CREM: variants seen among roughly 807,000 people sequenced by gnomAD.
CREM encodes cAMP-responsive element modulator.
CREM carries 13 observed loss-of-function variants against 37.3 expected under a neutral mutation model. The observed-to-expected ratio is 0.35, with a 90% confidence interval of 0.23 to 0.55. The LOEUF is 0.55. Among genes scored for constraint, CREM ranks in the 20% least tolerant of loss-of-function variants. The probability of loss-of-function intolerance (pLI) is 0.88; values close to 1 mark genes in which losing one functional copy is unlikely to be tolerated. For missense variants in CREM, 296 were observed against 362.3 expected, an observed-to-expected ratio of 0.82 and a Z score of 1.49; for synonymous variants, 124 against 120.2, an observed-to-expected ratio of 1.03 and a Z score of -0.21.
intron 1 of CREM, among the ~76,000 whole-genome samples, chr10:35,136,539 T>C (rs1330274265): frequency 6.6e-6 from 1 of 152,214 alleles, no homozygotes; most frequent in Admixed American, 6.5e-5. Flanking sequence ...CTTGTCCCTA[T>C]GCTGGGGGCA....
intron 3 of CREM, among the ~76,000 whole-genome samples, chr10:35,177,998 C>T (rs1432341560): frequency 2.0e-5 from 3 of 152,006 alleles, no homozygotes; most frequent in East Asian, 1.9e-4. Flanking sequence ...TATACACCTC[C>T]GTGTACTTCG....
chr10:35,196,196 A>G, intron 6 of CREM: 3 of 1,229,666 alleles, frequency 2.4e-6, no homozygotes, highest in Non-Finnish European at 3.5e-6. Flanking sequence ...CTCTTACTCC[A>G]TCCTCTTACT....
chr10:35,182,386 T>TC (rs1487886964), intron 5 of CREM, among the ~76,000 whole-genome samples: 1 of 152,002 alleles, frequency 6.6e-6, no homozygotes, highest in South Asian at 2.1e-4. Context: ...CTGTAAATTT[T>TC]TTTTAATGCT....
chr10:35,201,112 AT>A lies in CREM; in HGVS notation c.599-5781del, dbSNP rs1467263426. ...GGATATCTTACATTATCTTTAATGT[AT>A]TCTCTAAAGGAATATAACGATATAT... On this transcript the variant is annotated intron_variant, in intron 6 of 7. Transcript: ENST00000685392. 6.6e-5 allele frequency among the ~76,000 whole-genome samples: 10 copies of A among 152,088 alleles called. No individual in the cohort carries two copies. In the East Asian group the frequency reaches 1.7e-3, roughly 26 times the overall value.
At chr10:35,130,314 A>T (rs970535692) in intron 1 of CREM, among the ~76,000 whole-genome samples, 4 of 152,208 alleles carry the variant, frequency 2.6e-5, no homozygotes, top group African/African-American at 9.6e-5. Flanking sequence ...ATACATTTTA[A>T]ATGTCTTTTG....
intron 4 of CREM, 66 bp downstream of exon 4, chr10:35,179,052 A>G (rs2094232867): frequency 5.2e-6 from 8 of 1,537,046 alleles, no homozygotes; most frequent in Non-Finnish European, 5.3e-6. Flanking sequence ...TTATACATCA[A>G]ATCAATTCTT....
chr10:35,143,927 G>A (rs2091768422), intron 2 of CREM, among the ~76,000 whole-genome samples: 1 of 152,212 alleles, frequency 6.6e-6, no homozygotes, highest in African/African-American at 2.4e-5. Flanking sequence ...AAGGAGAACA[G>A]GAGTGAGGGA....
intron 7 of CREM, among the ~76,000 whole-genome samples, chr10:35,209,719 G>A (rs1335914390): frequency 1.3e-5 from 2 of 152,096 alleles, no homozygotes; most frequent in African/African-American, 4.8e-5. Context: ...TCATGAAAAC[G>A]TTGGTATTCA....
intron 2 of CREM, among the ~76,000 whole-genome samples, chr10:35,147,176 G>A (rs2092227820): frequency 6.8e-6 from 1 of 148,118 alleles, no homozygotes; most frequent in African/African-American, 2.5e-5. Context: ...TCAGCCTCCC[G>A]AGTAGCTGGG....
At chr10:35,162,330 T>A (rs951981134) in intron 3 of CREM, among the ~76,000 whole-genome samples, 3 of 152,120 alleles carry the variant, frequency 2.0e-5, no homozygotes, top group Non-Finnish European at 2.9e-5. Context: ...TTAGGAGGAA[T>A]GAGTTCAAGA....
At position 35,206,992 on chromosome 10, in the gene CREM, T is replaced by A. The variant is rs1485276319; in HGVS notation, c.696T>A (p.Ser232Arg). ...VMAASPGSLHSPQQLAEEATR... is the reference protein window; with the variant it reads ...VMAASPGSLHRPQQLAEEATR... The stretch of plus-strand genomic sequence containing the variant: ...CTGCATCGCCCGGAAGTTTGCACAG[T>A]CCCCAGCAGCTGGCAGAAGAAGCAA... Residue 232 changes from serine to arginine, a missense_variant, in exon 7 of 8, where the codon AGT (serine) becomes AGA (arginine). Ser to Arg is a moderately radical substitution (Grantham distance 110). This residue lies in a region of CREM where 257 missense variants were observed against 280.2 expected (regional missense o/e 0.92). Transcript: ENST00000685392. 2 of 1,614,042 alleles carry A rather than the reference T, an allele frequency of 1.2e-6. No homozygotes were observed. Among genetic ancestry groups the A allele is most frequent in the Admixed American group, 3.3e-5 (2 of 60,016 alleles).
chr10:35,191,318 T>G (rs1172735072), intron 6 of CREM, among the ~76,000 whole-genome samples: 2 of 152,336 alleles, frequency 1.3e-5, no homozygotes, highest in East Asian at 3.9e-4. Context: ...GAACTCTAAT[T>G]ACTTCTAATA....
At chr10:35,165,810 T>C (rs966021958) in intron 3 of CREM, among the ~76,000 whole-genome samples, 1 of 151,898 alleles carries the variant, frequency 6.6e-6, no homozygotes, top group Non-Finnish European at 1.5e-5. Context: ...ACTGTACAGA[T>C]TAGCTAGAAA....
intron 3 of CREM, among the ~76,000 whole-genome samples, chr10:35,172,352 TG>T (rs1194247627): frequency 6.6e-6 from 1 of 152,092 alleles, no homozygotes; most frequent in Non-Finnish European, 1.5e-5. Context: ...TGCAGAACCC[TG>T]GGGGTGACTC....
At chr10:35,187,229 A>C (rs1196363249) in intron 5 of CREM, among the ~76,000 whole-genome samples, 1 of 107,364 alleles carries the variant, frequency 9.3e-6, no homozygotes. Context: ...ATATATATAA[A>C]ATATATAATT....
intron 3 of CREM, among the ~76,000 whole-genome samples, chr10:35,164,835 A>G (rs1414190300): frequency 6.6e-6 from 1 of 152,124 alleles, no homozygotes; most frequent in Admixed American, 6.6e-5. Flanking sequence ...GGATTATTTG[A>G]GCTCAGGAGT....
intron 6 of CREM, among the ~76,000 whole-genome samples, chr10:35,197,138 T>C (rs1417932350): frequency 1.3e-5 from 2 of 152,034 alleles, no homozygotes; most frequent in Non-Finnish European, 2.9e-5. Context: ...AACCACTACA[T>C]ATAAATAAAC....
chr10:35,167,684 T>C (rs745858589), intron 3 of CREM: 2 of 1,593,712 alleles, frequency 1.3e-6, no homozygotes, highest in South Asian at 2.2e-5. Context: ...TCTTACCTTA[T>C]TTCTTCAGAT....
intron 6 of CREM, among the ~76,000 whole-genome samples, chr10:35,204,383 C>T (rs754438323): frequency 2.0e-5 from 3 of 152,062 alleles, no homozygotes; most frequent in Non-Finnish European, 2.9e-5. Context: ...AGGCAGATCA[C>T]GAGGTCGGGA....
Sources: allele counts gnomAD v4.1 joint callset (sites outside exome capture counted in the v4.1 genomes callset), GRCh38; gene constraint gnomAD v4.1.1; regional missense constraint gnomAD v4.1.1; transcripts MANE v1.5; gene names NCBI Gene and HGNC (gene_info 2026-07-23, HGNC 2026-07-21).